NPRL3: variants seen among roughly 807,000 people sequenced by gnomAD.
NPRL3 encodes the protein GATOR1 complex protein NPRL3.
In NPRL3, 23 loss-of-function variants were observed where a neutral mutation model predicts 57.2. The observed-to-expected ratio is 0.40, with a 90% CI of 0.29 to 0.57. The LOEUF (loss-of-function observed/expected upper bound fraction) is 0.57. Among genes scored for constraint, NPRL3 ranks in the 20% least tolerant of loss-of-function variants. The pLI, the probability that NPRL3 is intolerant of heterozygous loss-of-function variation, is 0.42. For synonymous variants in NPRL3, 333 were observed against 321.1 expected, an observed-to-expected ratio of 1.04 and a Z score of -0.39; for missense variants, 691 against 767.1, an observed-to-expected ratio of 0.90 and a Z score of 1.17.
chr16:98,011 C>T lies in NPRL3; in HGVS notation c.924+134G>A, dbSNP rs8045714. 1,830 of 1,098,454 alleles carry T rather than the reference C, an allele frequency of 1.7e-3. 25 individuals carry two copies. The African/African-American group carries it at 0.026, about 15-fold the overall frequency. The allele number at this position is 1,098,454 out of a possible 1,614,324, so 68.0% of individuals were successfully genotyped here. ...AACCTCCAGCCATCCCAGGGACTGG[C>T]CCCACCCCATGGTGGGCTGTGCCGC... On this transcript the variant is annotated intron_variant, in intron 9 of 13. Coordinates refer to ENST00000611875, the MANE Select transcript of NPRL3 (RefSeq NM_001077350.3).
chr16:97,246 T>C (rs1001723598), intron 9 of NPRL3, among the ~76,000 whole-genome samples: 1 of 150,856 alleles, frequency 6.6e-6, no homozygotes, highest in East Asian at 1.9e-4. Context: ...CTGCTTCTGA[T>C]TTCTCCCCGT....
intron 3 of NPRL3, among the ~76,000 whole-genome samples, chr16:122,649 A>T (rs764591414): frequency 2.0e-5 from 3 of 152,256 alleles, no homozygotes; most frequent in Non-Finnish European, 2.9e-5. Context: ...TAACTTGGAA[A>T]TTCAAGAAAA....
At chr16:119,429 A>G in intron 3 of NPRL3, 174 bp from the exon 4 acceptor site, 1 of 634,190 alleles carries the variant, frequency 1.6e-6, no homozygotes, top group Admixed American at 2.8e-5. Flanking sequence ...CCCAGAGGTT[A>G]TGGATGTAAG....
chr16:116,024 T>C (rs181796485), intron 5 of NPRL3, among the ~76,000 whole-genome samples: 2 of 152,348 alleles, frequency 1.3e-5, no homozygotes, highest in Admixed American at 1.3e-4. Context: ...AAGTTGCTTG[T>C]TTTTCTTGAT....
At chr16:100,740 T>TGC (rs1567134881) in intron 7 of NPRL3, among the ~76,000 whole-genome samples, 7 of 145,154 alleles carry the variant, frequency 4.8e-5, no homozygotes, top group African/African-American at 1.8e-4. Flanking sequence ...GAGGCCAAGG[T>TGC]GGGCGGATCA....
chr16:122,964 G>A (rs1900346462), intron 3 of NPRL3, among the ~76,000 whole-genome samples: 1 of 152,174 alleles, frequency 6.6e-6, no homozygotes, highest in Non-Finnish European at 1.5e-5. Context: ...CCCGTCATCC[G>A]TGCCCTCCTG....
chr16:97,091 G>A (rs912969857), intron 9 of NPRL3, among the ~76,000 whole-genome samples: 4 of 152,196 alleles, frequency 2.6e-5, no homozygotes, highest in African/African-American at 4.8e-5. Flanking sequence ...TGTGCACACC[G>A]CCACCAGACG....
At chr16:93,624 G>A (rs1259832733) in intron 9 of NPRL3, among the ~76,000 whole-genome samples, 2 of 151,224 alleles carry the variant, frequency 1.3e-5, no homozygotes, top group African/African-American at 2.4e-5. Flanking sequence ...GAGTGCAGTG[G>A]CACAATCTCA....
intron 10 of NPRL3, 135 bp from the exon 11 acceptor site, chr16:92,860 G>A: frequency 2.7e-6 from 3 of 1,105,836 alleles, no homozygotes; most frequent in Non-Finnish European, 3.9e-6. Flanking sequence ...AACGGTATGA[G>A]GCCAGGCAGG....
chr16:128,708 C>A (rs577819361), intron 3 of NPRL3, among the ~76,000 whole-genome samples: 17 of 152,116 alleles, frequency 1.1e-4, no homozygotes, highest in African/African-American at 3.9e-4. Context: ...GCGGAGCCTG[C>A]AGTGAGCTGA....
At position 86,692 on chromosome 16, in the gene NPRL3, C is replaced by T. The variant is rs748291923; in HGVS notation, c.*13G>A. On this transcript the variant is annotated 3_prime_UTR_variant, in exon 14 of 14. Coordinates refer to ENST00000611875, the MANE Select transcript of NPRL3 (RefSeq NM_001077350.3). ...CCTGCGCACCCCAGCAGCCTTCCGC[C>T]CTCCGCCTGGGCTCAGGGGAGCAGA... The T allele has an allele frequency of 5.2e-6, 8 of 1,543,822 alleles. No individual in the cohort carries two copies. The African/African-American group carries it at 1.1e-4, about 21-fold the overall frequency.
At chr16:112,544 C>T in intron 6 of NPRL3, 78 bp downstream of exon 6, 1 of 1,318,882 alleles carries the variant, frequency 7.6e-7, no homozygotes, top group African/African-American at 1.5e-5. Context: ...TGAATGACAG[C>T]CCCTCCACAG....
intron 7 of NPRL3, 97 bp downstream of exon 7, chr16:110,428 G>A (rs1330186927): frequency 2.2e-6 from 2 of 900,058 alleles, no homozygotes; most frequent in African/African-American, 3.3e-5. Context: ...GAGAACAGTG[G>A]TCAGTACCGG....
chr16:114,918 G>T (rs1899963617), intron 5 of NPRL3, among the ~76,000 whole-genome samples: 1 of 151,302 alleles, frequency 6.6e-6, no homozygotes, highest in South Asian at 2.1e-4. Flanking sequence ...TATAAGGTTT[G>T]TCAGTCTGCT....
chr16:95,638 C>T (rs1272633077), intron 9 of NPRL3, among the ~76,000 whole-genome samples: 3 of 152,220 alleles, frequency 2.0e-5, no homozygotes, highest in African/African-American at 4.8e-5. Context: ...TGTAAAATCA[C>T]AATTCACTGC....
Position 138,261 on chromosome 16 carries a change from C to T in NPRL3, c.7G>A (p.Asp3Asn). MR[D>N]NTSPISVILV... ...ATCACGCTGATGGGGCTGGTGTTGT[C>T]CCGCATCCCGCCGTGGGGCCGGGGC... is the stretch of plus-strand genomic sequence containing the variant. Residue 3 changes from aspartate (D) to asparagine (N), a missense_variant, in exon 2 of 14, where the codon GAC becomes AAC. Asp to Asn is a conservative substitution (Grantham distance 23). Coordinates refer to ENST00000611875, the MANE Select transcript of NPRL3 (RefSeq NM_001077350.3). 6.3e-7 allele frequency: 1 copy of T among 1,599,892 alleles called. No individual in the cohort carries two copies. Among genetic ancestry groups the T allele is most frequent in the Non-Finnish European group, 8.5e-7 (1 of 1,174,086 alleles).
intron 7 of NPRL3, among the ~76,000 whole-genome samples, chr16:105,543 AC>A (rs571673643): frequency 1.6e-4 from 25 of 152,264 alleles, no homozygotes; most frequent in Admixed American, 1.4e-3. Flanking sequence ...CATGGGACCA[AC>A]CCTGCTCTCG....
At chr16:136,593 G>A (rs1439364186) in intron 2 of NPRL3, among the ~76,000 whole-genome samples, 1 of 151,718 alleles carries the variant, frequency 6.6e-6, no homozygotes, top group East Asian at 1.9e-4. Context: ...TCGGGAGGCT[G>A]AGGCAGGAGA....
intron 11 of NPRL3, chr16:91,094 A>T (rs796339657): frequency 3.4e-4 from 52 of 152,250 alleles, no homozygotes; most frequent in African/African-American, 1.2e-3. Context: ...CAATAAAAAA[A>T]AAGCTGGGCG....
Sources: gnomAD v4.1 joint callset for allele counts (sites outside exome capture counted in the v4.1 genomes callset) on GRCh38, gnomAD v4.1.1 for gene constraint, MANE v1.5 for transcripts, NCBI Gene and HGNC (gene_info 2026-07-23, HGNC 2026-07-21) for gene names.